Variants in PTPRT observed in about 807,000 individuals in gnomAD.
PTPRT encodes receptor-type tyrosine-protein phosphatase T.
A neutral mutation model predicts 176.8 loss-of-function variants in PTPRT; 56 were observed. The observed-to-expected ratio is 0.32, with a 90% CI of 0.26 to 0.40. The LOEUF (loss-of-function observed/expected upper bound fraction) is 0.40. Ranked by LOEUF, PTPRT falls within the 10% of genes least tolerant of loss-of-function variation. The pLI is 1.00. For missense variants in PTPRT, 1,540 were observed against 1,908.2 expected, an observed-to-expected ratio of 0.81 and a Z score of 3.60; for synonymous variants, 783 against 739.0, an observed-to-expected ratio of 1.06 and a Z score of -0.96.
intron 1 of PTPRT, among the ~76,000 whole-genome samples, chr20:42,907,377 C>T (rs1028830608): frequency 2.6e-5 from 4 of 152,032 alleles, no homozygotes; most frequent in Non-Finnish European, 1.5e-5. Context: ...AAGCAGAATC[C>T]ATATCAGTGT....
the PTPRT span, among the ~76,000 whole-genome samples, chr20:42,053,865 A>G: frequency 2.0e-5 from 3 of 152,186 alleles, no homozygotes; most frequent in Admixed American, 1.3e-4. Flanking sequence ...TCATTGTCTT[A>G]CTTTACTGTG....
At chr20:42,083,118 CAAA>C (rs3084622) in intron 29 of PTPRT, among the ~76,000 whole-genome samples, 12 of 60,066 alleles carry the variant, frequency 2.0e-4, no homozygotes, top group South Asian at 2.2e-3. Flanking sequence ...GACACTAGTG[CAAA>C]AAAAAAAAAA....
chr20:43,088,241 C>T (rs1452975560), intron 1 of PTPRT, among the ~76,000 whole-genome samples: 3 of 151,946 alleles, frequency 2.0e-5, no homozygotes, highest in Non-Finnish European at 4.4e-5. Context: ...ATAATACCAT[C>T]TTAGTTCAAG....
intron 17 of PTPRT, among the ~76,000 whole-genome samples, chr20:42,145,306 C>G (rs902487786): frequency 6.6e-6 from 1 of 152,106 alleles, no homozygotes; most frequent in Admixed American, 6.5e-5. Context: ...TCAAGACCAG[C>G]CTGGTCAATA....
the PTPRT span, among the ~76,000 whole-genome samples, chr20:42,067,008 A>G: frequency 1.3e-5 from 2 of 152,096 alleles, no homozygotes; most frequent in South Asian, 4.1e-4. Context: ...ACATTCTCTC[A>G]TTCCTCAAAG....
intron 7 of PTPRT, among the ~76,000 whole-genome samples, chr20:42,566,014 C>A (rs140965201): frequency 0.019 from 2,820 of 152,238 alleles, 38 homozygotes; most frequent in African/African-American, 0.039. Flanking sequence ...AGCTACTCAG[C>A]TAGAGAGTAT....
chr20:42,250,287 T>C (rs1459050429), intron 13 of PTPRT, among the ~76,000 whole-genome samples: 1 of 152,176 alleles, frequency 6.6e-6, no homozygotes, highest in Admixed American at 6.5e-5. Context: ...TAAATGTTTG[T>C]GGTTGTTTAG....
intron 1 of PTPRT, among the ~76,000 whole-genome samples, chr20:42,900,516 C>T (rs1198207447): frequency 6.6e-6 from 1 of 152,164 alleles, no homozygotes; most frequent in African/African-American, 2.4e-5. Context: ...TAAAATCTTG[C>T]TTCAGTTCAC....
At chr20:42,937,240 C>T (rs915634588) in intron 1 of PTPRT, among the ~76,000 whole-genome samples, 1 of 152,246 alleles carries the variant, frequency 6.6e-6, no homozygotes, top group African/African-American at 2.4e-5. Flanking sequence ...CAACGCACTG[C>T]TCCTACGTTA....
intron 11 of PTPRT, among the ~76,000 whole-genome samples, chr20:42,327,589 G>T (rs1451047242): frequency 6.6e-6 from 1 of 152,040 alleles, no homozygotes. Flanking sequence ...ATAACCATTT[G>T]AGAGACAAGA....
At position 42,111,213 on chromosome 20, in the gene PTPRT, T is replaced by TAGAC. The variant is rs375838335; in HGVS notation, c.3100-730_3100-727dup. Among the ~76,000 whole-genome samples, 43 of 152,304 alleles carry TAGAC rather than the reference T, an allele frequency of 2.8e-4. 1 individual carries two copies. The highest frequency in any genetic ancestry group is 9.9e-4 in the African/African-American group (41 of 41,564). On this transcript the variant is annotated intron_variant, in intron 22 of 30. Coordinates refer to ENST00000373187, the MANE Select transcript of PTPRT (RefSeq NM_007050.6). Reference sequence around the variant, plus strand: ...CAGGTCACACTTCTAAGCCTTCGCTTAGACAGTTCCTGTTCCCTACTATTT... The same window carrying TAGAC: ...CAGGTCACACTTCTAAGCCTTCGCTTAGACAGACAGTTCCTGTTCCCTACTATTT...
chr20:42,163,697 T>C (rs1459390655), intron 16 of PTPRT, among the ~76,000 whole-genome samples: 2 of 152,164 alleles, frequency 1.3e-5, no homozygotes, highest in Admixed American at 1.3e-4. Context: ...TGAAGGCACA[T>C]GTAGTTAAGA....
chr20:42,586,313 T>C (rs575065680), intron 7 of PTPRT, among the ~76,000 whole-genome samples: 13 of 152,272 alleles, frequency 8.5e-5, no homozygotes, highest in African/African-American at 3.1e-4. Context: ...ATATCTACAA[T>C]ACAAGGATGT....
chr20:42,761,962 T>A (rs1368504811), intron 5 of PTPRT, among the ~76,000 whole-genome samples: 2 of 152,162 alleles, frequency 1.3e-5, no homozygotes, highest in African/African-American at 4.8e-5. Context: ...GGGTAGAGAG[T>A]GCAGTGTTCC....
chr20:42,472,020 T>TG (rs2071206600), intron 8 of PTPRT, among the ~76,000 whole-genome samples: 1 of 152,054 alleles, frequency 6.6e-6, no homozygotes, highest in Non-Finnish European at 1.5e-5. Flanking sequence ...AGAAGAGGGA[T>TG]GGGGGTACAA....
At chr20:42,696,616 C>T (rs142939023) in intron 6 of PTPRT, among the ~76,000 whole-genome samples, 4,705 of 151,960 alleles carry the variant, frequency 0.031, 226 homozygotes, top group African/African-American at 0.096. Flanking sequence ...CTACCACACC[C>T]GGCTAATTTT....
At chr20:42,410,040 A>T (rs1007211042) in intron 9 of PTPRT, among the ~76,000 whole-genome samples, 48 of 152,266 alleles carry the variant, frequency 3.2e-4, no homozygotes, top group African/African-American at 1.1e-3. Flanking sequence ...TGTTCCAGAA[A>T]TTTTGAAAAA....
At chr20:42,850,965 C>G (rs2078458715) in intron 2 of PTPRT, among the ~76,000 whole-genome samples, 1 of 152,148 alleles carries the variant, frequency 6.6e-6, no homozygotes. Context: ...ATCTTTGGTC[C>G]TCATTAGGGC....
chr20:42,451,977 A>T (rs542795153), intron 8 of PTPRT, among the ~76,000 whole-genome samples: 1 of 152,298 alleles, frequency 6.6e-6, no homozygotes, highest in African/African-American at 2.4e-5. Context: ...TAAGAAAAAG[A>T]TTCAAAATAG....
Sources: gnomAD v4.1 joint callset for allele counts (sites outside exome capture counted in the v4.1 genomes callset) on GRCh38, gnomAD v4.1.1 for gene constraint, MANE v1.5 for transcripts, NCBI Gene and HGNC (gene_info 2026-07-23, HGNC 2026-07-21) for gene names.